Variants in ARHGEF26 observed in about 807,000 individuals in gnomAD.
The protein encoded by ARHGEF26 is Rho guanine nucleotide exchange factor 26.
ARHGEF26 carries 59 observed loss-of-function variants against 89.4 expected under a neutral mutation model. The ratio of observed to expected loss-of-function variants is 0.66; its 90% CI spans 0.54 to 0.82. ARHGEF26 has a LOEUF of 0.82. ARHGEF26 is among the 40% of genes least tolerant of loss of function. The pLI is 0.00. For missense variants in ARHGEF26, 1,234 were observed against 1,085.6 expected (o/e 1.14, Z -1.92); for synonymous variants, 500 against 428.4 (o/e 1.17, Z -2.06).
At chr3:154,168,643 A>G (rs1384241727) in intron 6 of ARHGEF26, among the ~76,000 whole-genome samples, 2 of 152,226 alleles carry the variant, frequency 1.3e-5, no homozygotes, top group Non-Finnish European at 2.9e-5. Context: ...ATCTGTTTAT[A>G]TACTGAGAAG....
In ARHGEF26 at chr3:154,166,330, A is replaced by G. The variant is rs112361211; in HGVS notation, c.1487+13398A>G. Among the ~76,000 whole-genome samples the G allele has an allele frequency of 1.8e-3, 277 of 152,282 alleles. 2 individuals are homozygous for G. Among genetic ancestry groups the G allele is most frequent in the South Asian group, 1.7e-3 (8 of 4,832 alleles). ...CTCCCAAAATGCTGGGATTACAGGC[A>G]TGAGCCACTGTGCCCAGCCAGTATT... On this transcript the variant is annotated intron_variant, in intron 6 of 14. Coordinates refer to ENST00000465093, the MANE Select transcript of ARHGEF26 (RefSeq NM_015595.4).
chr3:154,128,951 T>TCTC (rs1718508417), intron 3 of ARHGEF26, among the ~76,000 whole-genome samples: 1 of 152,224 alleles, frequency 6.6e-6, no homozygotes, highest in Non-Finnish European at 1.5e-5. Context: ...TCTCATGCTT[T>TCTC]AGTATCAGCT....
chr3:154,138,954 G>A (rs1468119792), intron 4 of ARHGEF26, among the ~76,000 whole-genome samples: 2 of 152,194 alleles, frequency 1.3e-5, no homozygotes, highest in Admixed American at 1.3e-4. Flanking sequence ...TGGTAAAGCT[G>A]TGAATGACTT....
At chr3:154,204,492 AATTTTTGT>A (rs1427193249) in intron 9 of ARHGEF26, among the ~76,000 whole-genome samples, 6 of 151,622 alleles carry the variant, frequency 4.0e-5, no homozygotes. Flanking sequence ...ATGCCTGGCT[AATTTTTGT>A]ATTACTTTTT....
In ARHGEF26 at chr3:154,187,385, T is replaced by TA. The variant is rs1316856020; in HGVS notation, c.1488-300_1488-299insA. ...ACACTTGAAGCAATAACTTGATTTTTTTTTTTTTTTTTTTGGTTTTGTCTT... is the reference window on the plus strand; with the variant it reads ...ACACTTGAAGCAATAACTTGATTTTTATTTTTTTTTTTTTTGGTTTTGTCTT... On this transcript the variant is annotated intron_variant, in intron 6 of 14. Coordinates refer to ENST00000465093, the MANE Select transcript of ARHGEF26 (RefSeq NM_015595.4). Among the ~76,000 whole-genome samples, 25 of 150,934 alleles carry TA rather than the reference T, an allele frequency of 1.7e-4. No homozygotes were observed. In the East Asian group the frequency reaches 4.7e-3, roughly 28 times the overall value.
rs751325925 is a variant in ARHGEF26, at chr3:154,122,049, G to A, written c.57G>A (p.Arg19=). Residue 19 remains arginine, a synonymous_variant, in exon 2 of 15, where the codon CGG becomes CGA. Transcript: ENST00000465093. The stretch of plus-strand genomic sequence containing the variant: ...GCAACAGCATAACCCCTTTGTGGCG[G>A]AGGCGGTCGATTCCTCAGCCCCACC... The part of the protein sequence containing the change: ...FSSNSITPLW[R]RRSIPQPHQV... 1.2e-6 allele frequency: 2 copies of A among 1,611,686 alleles called. No homozygotes were observed. Among genetic ancestry groups the A allele is most frequent in the Admixed American group, 3.3e-5 (2 of 59,920 alleles).
At chr3:154,212,604 TG>T (rs1197773340) in intron 9 of ARHGEF26, among the ~76,000 whole-genome samples, 1 of 18,272 alleles carries the variant, frequency 5.5e-5, no homozygotes, top group African/African-American at 2.1e-4. Flanking sequence ...GGTGGGGGGC[TG>T]GGGGGTAGGT....
chr3:154,138,023 T>C (rs1719123307), intron 4 of ARHGEF26, among the ~76,000 whole-genome samples: 1 of 152,190 alleles, frequency 6.6e-6, no homozygotes, highest in South Asian at 2.1e-4. Context: ...ATATACAGAC[T>C]ATTTATAATA....
intron 2 of ARHGEF26, 52 bp from the exon 3 acceptor site, chr3:154,124,358 A>C: frequency 1.6e-6 from 2 of 1,239,498 alleles, no homozygotes; most frequent in Non-Finnish European, 2.2e-6. Context: ...TCATTCATAC[A>C]TAGTTTGCTT....
chr3:154,236,794 A>G (rs1717155301), intron 11 of ARHGEF26, among the ~76,000 whole-genome samples: 1 of 152,232 alleles, frequency 6.6e-6, no homozygotes, highest in Non-Finnish European at 1.5e-5. Flanking sequence ...GATTTCCTAA[A>G]AGAGCAGTAA....
At chr3:154,210,320 A>G (rs1056030262) in intron 9 of ARHGEF26, among the ~76,000 whole-genome samples, 5 of 152,128 alleles carry the variant, frequency 3.3e-5, no homozygotes, top group African/African-American at 1.2e-4. Context: ...TGGGTATCCA[A>G]GCTGTTTATT....
At chr3:154,131,971 A>G (rs772898807) in intron 4 of ARHGEF26, among the ~76,000 whole-genome samples, 1 of 152,232 alleles carries the variant, frequency 6.6e-6, no homozygotes, top group Non-Finnish European at 1.5e-5. Flanking sequence ...ACTATCTTGT[A>G]ATAAAATGTA....
chr3:154,214,432 G>T (rs1279522263), intron 9 of ARHGEF26, among the ~76,000 whole-genome samples: 1 of 152,124 alleles, frequency 6.6e-6, no homozygotes, highest in Non-Finnish European at 1.5e-5. Context: ...TCATTAAGGA[G>T]ACTTGGATTG....
At chr3:154,254,695 T>A (rs1718371767) in intron 13 of ARHGEF26, 25 bp from the exon 14 acceptor site, 3 of 1,594,906 alleles carry the variant, frequency 1.9e-6, no homozygotes, top group Non-Finnish European at 2.6e-6. Flanking sequence ...TACTGGAAAC[T>A]TAGTATGTCC....
chr3:154,206,295 C>T (rs1715015805), intron 9 of ARHGEF26, among the ~76,000 whole-genome samples: 1 of 152,258 alleles, frequency 6.6e-6, no homozygotes, highest in African/African-American at 2.4e-5. Flanking sequence ...TGTCTCTTTT[C>T]TCTTGCTGCT....
chr3:154,189,631 C>T (rs1182484930), intron 7 of ARHGEF26, among the ~76,000 whole-genome samples: 2 of 152,058 alleles, frequency 1.3e-5, no homozygotes, highest in Non-Finnish European at 2.9e-5. Context: ...GCCACTGCGC[C>T]CAGCCCGCAG....
chr3:154,168,920 A>G (rs1345836734), intron 6 of ARHGEF26, among the ~76,000 whole-genome samples: 1 of 151,114 alleles, frequency 6.6e-6, no homozygotes, highest in Non-Finnish European at 1.5e-5. Flanking sequence ...GATCAGAACT[A>G]GGTTGCTATC....
intron 4 of ARHGEF26, among the ~76,000 whole-genome samples, chr3:154,140,100 C>CA (rs1307866969): frequency 1.4e-4 from 4 of 28,216 alleles, no homozygotes; most frequent in African/African-American, 1.3e-3. Flanking sequence ...CTTATATCCA[C>CA]ATGGGTCCAA....
intron 11 of ARHGEF26, among the ~76,000 whole-genome samples, chr3:154,238,019 A>G (rs1717226512): frequency 6.6e-6 from 1 of 152,090 alleles, no homozygotes; most frequent in African/African-American, 2.4e-5. Context: ...TTGCTGTTTT[A>G]TCCTGGTTTT....
Sources: gnomAD v4.1 joint callset for allele counts (sites outside exome capture counted in the v4.1 genomes callset) on GRCh38, gnomAD v4.1.1 for gene constraint, MANE v1.5 for transcripts, NCBI Gene and HGNC (gene_info 2026-07-23, HGNC 2026-07-21) for gene names.